Variants in EPG5 observed in about 807,000 individuals in gnomAD.
EPG5 encodes ectopic P-granules 5 autophagy tethering factor, also known as ectopic P granules protein 5 homolog.
Under a neutral mutation model 302.7 loss-of-function variants are expected in EPG5, and 159 were observed. The ratio of observed to expected loss-of-function variants is 0.53; its 90% CI spans 0.46 to 0.60. The LOEUF (loss-of-function observed/expected upper bound fraction) is 0.60, where lower values mean the gene tolerates loss of function less well. Ranked by LOEUF, EPG5 falls within the 20% of genes least tolerant of loss-of-function variation. The probability of loss-of-function intolerance (pLI) is 0.00; values close to 1 mark genes in which losing one functional copy is unlikely to be tolerated. For missense variants in EPG5, 2,896 were observed against 3,092.4 expected, an observed-to-expected ratio of 0.94 and a Z score of 1.51; for synonymous variants, 1,158 against 1,136.8, an observed-to-expected ratio of 1.02 and a Z score of -0.37.
At position 45,953,380 on chromosome 18, in the gene EPG5, G is replaced by A. The variant is rs149494201; in HGVS notation, c.1009-737C>T. 3.1e-5 allele frequency: 31 copies of A among 985,248 alleles called. No homozygotes were observed. In the East Asian group the frequency reaches 3.5e-3, roughly 112 times the overall value. The allele number at this position is 985,248 out of a possible 1,614,324, so 61.0% of individuals were successfully genotyped here. On this transcript the variant is annotated intron_variant, in intron 2 of 43. Coordinates refer to ENST00000282041, the MANE Select transcript of EPG5 (RefSeq NM_020964.3). ...CAAGAGAATACACACTCCACCAGCT[G>A]TGTTCTTGATTCTATCCTCTCTTCT...
rs1322402625 is a variant in EPG5 at position 45,910,554 on chromosome 18, A to T, written c.4172T>A (p.Leu1391Gln). The T allele has an allele frequency of 1.2e-6, 2 of 1,612,476 alleles. No homozygotes were observed. Among genetic ancestry groups the T allele is most frequent in the Middle Eastern group, 1.8e-4 (1 of 5,630 alleles). ...CTCCTTGTGCAGTTCTGGTGAAGTC[A>T]GGTAACCAGGGGTGCCAGAGTGGCT... ...PESHSGTPGY[L>Q]TSPELHKELV... The change falls in exon 23 of 44, where the codon CTG (leucine) becomes CAG (glutamine). Residue 1391 changes from leucine (L) to glutamine (Q), a missense_variant. Leu to Gln is a moderately radical substitution (Grantham distance 113). Coordinates refer to ENST00000282041, the MANE Select transcript of EPG5 (RefSeq NM_020964.3).
At chr18:45,957,422 A>C (rs574891749) in intron 1 of EPG5, among the ~76,000 whole-genome samples, 3 of 152,352 alleles carry the variant, frequency 2.0e-5, no homozygotes, top group Admixed American at 2.0e-4. Context: ...GAAAAACATT[A>C]TATGAGTGTT....
the EPG5 span, among the ~76,000 whole-genome samples, chr18:45,821,340 T>C: frequency 6.6e-6 from 1 of 152,364 alleles, no homozygotes; most frequent in Admixed American, 6.5e-5. Flanking sequence ...ATCTTACTTA[T>C]GCAAAGTTGC....
At chr18:45,829,023 A>C in the EPG5 span, 2 of 899,740 alleles carry the variant, frequency 2.2e-6, no homozygotes, top group Non-Finnish European at 2.7e-6. Context: ...TGGGGCGGGA[A>C]GGGGAGGAGT....
chr18:45,838,918 G>A, the EPG5 span: 17 of 1,603,210 alleles, frequency 1.1e-5, no homozygotes, highest in Non-Finnish European at 1.4e-5. Context: ...GACCCATGAC[G>A]GCCGCTACAC....
intron 26 of EPG5, among the ~76,000 whole-genome samples, chr18:45,900,026 TG>T (rs2049571265): frequency 6.6e-6 from 1 of 152,204 alleles, no homozygotes; most frequent in Non-Finnish European, 1.5e-5. Context: ...ATTACATTAA[TG>T]GGCAGGTGCT....
At position 45,916,181 on chromosome 18, in the gene EPG5, G is replaced by C; in HGVS notation, c.3410C>G (p.Pro1137Arg). The C allele has an allele frequency of 1.2e-6, 2 of 1,613,738 alleles. No individual in the cohort carries two copies. Among genetic ancestry groups the C allele is most frequent in the Non-Finnish European group, 1.7e-6 (2 of 1,179,854 alleles). The change falls in exon 19 of 44, where the codon CCC (proline) becomes CGC (arginine). Residue 1137 changes from proline to arginine, a missense_variant. Transcript: ENST00000282041. ...CACAGCAACGGGGCCCACTTCATTG[G>C]GCTGAGTGCTTACAGATATGTGTGC... ...IQAHISVSTQ[P>R]NEVGPVAVLE...
At chr18:45,904,764 G>C (rs1414190649) in intron 24 of EPG5, among the ~76,000 whole-genome samples, 1 of 152,146 alleles carries the variant, frequency 6.6e-6, no homozygotes, top group Non-Finnish European at 1.5e-5. Context: ...TGACATTTAT[G>C]AGAAAGGTGG....
chr18:45,801,236 A>G, the EPG5 span, among the ~76,000 whole-genome samples: 1 of 152,042 alleles, frequency 6.6e-6, no homozygotes, highest in East Asian at 1.9e-4. Flanking sequence ...AAGGTTCACT[A>G]CGTTGGCCAG....
rs1443228798 is a variant in EPG5 at position 45,934,827 on chromosome 18, A to G, written c.2239T>C (p.Cys747Arg). The stretch of plus-strand genomic sequence containing the variant: ...GCTGTACCTTGGAGCTGCTGCTTGC[A>G]CTGGGCGGGCTGCAGGGAGGAGGAG... ...QLSSSLQPAQ[C>R]KQQLQDPEHF... is the part of the protein sequence containing the mutation. The change falls in exon 11 of 44, where the codon TGC becomes CGC. Residue 747 changes from cysteine (C) to arginine (R), a missense_variant. Cys to Arg is a radical substitution (Grantham distance 180). Coordinates refer to ENST00000282041, the MANE Select transcript of EPG5 (RefSeq NM_020964.3). The G allele has an allele frequency of 2.5e-6, 4 of 1,613,454 alleles. No individual in the cohort carries two copies. Among genetic ancestry groups the G allele is most frequent in the Admixed American group, 3.3e-5 (2 of 59,804 alleles).
At chr18:45,837,381 C>T in the EPG5 span, 1 of 1,306,804 alleles carries the variant, frequency 7.7e-7, no homozygotes, top group East Asian at 2.8e-5. Flanking sequence ...AAGTGGGGGA[C>T]GATCCCTGAG....
intron 34 of EPG5, among the ~76,000 whole-genome samples, chr18:45,876,920 G>A (rs2048982805): frequency 2.0e-5 from 3 of 151,972 alleles, no homozygotes; most frequent in African/African-American, 7.2e-5. Context: ...AGCAACTGGG[G>A]TTGCAGGCAC....
At chr18:45,877,855 T>C (rs1289221514) in intron 34 of EPG5, among the ~76,000 whole-genome samples, 2 of 152,210 alleles carry the variant, frequency 1.3e-5, no homozygotes, top group Admixed American at 1.3e-4. Flanking sequence ...TCAACTAGCT[T>C]CTGCTTGTAT....
chr18:45,934,985 C>T lies in EPG5; in HGVS notation c.2100-19G>A. ...GCCAAGTCTGCATGTAAGCAGGAAT[C>T]ATTTTATTTATTAATCAGCTTCATT... On this transcript the variant is annotated intron_variant, in intron 10 of 43. Coordinates refer to ENST00000282041, the MANE Select transcript of EPG5 (RefSeq NM_020964.3). 6.3e-7 allele frequency: 1 copy of T among 1,587,078 alleles called. No homozygotes were observed. The highest frequency in any genetic ancestry group is 8.6e-7 in the Non-Finnish European group (1 of 1,167,214).
Position 45,860,300 on chromosome 18 carries a change from CATAA to C in EPG5, c.6809_6812del (p.Phe2270TrpfsTer4). ...CGTTGTTCATCATCATCAGGACTTC[CATAA>C]AGAGGCTGCTGAGGGCCATGTGGCG... On this transcript the variant is annotated frameshift_variant, in exon 40 of 44. Transcript: ENST00000282041. LOFTEE classifies it high-confidence loss of function. The C allele has an allele frequency of 6.2e-7, 1 of 1,614,220 alleles. No individual in the cohort carries two copies. The highest frequency in any genetic ancestry group is 8.5e-7 in the Non-Finnish European group (1 of 1,180,042).
intron 27 of EPG5, among the ~76,000 whole-genome samples, chr18:45,896,938 A>G (rs2049492810): frequency 6.6e-6 from 1 of 152,232 alleles, no homozygotes; most frequent in Non-Finnish European, 1.5e-5. Flanking sequence ...ATCATAAATC[A>G]TCTTTTCTCT....
At chr18:45,911,406 C>T (rs543331618) in intron 22 of EPG5, among the ~76,000 whole-genome samples, 76 of 152,138 alleles carry the variant, frequency 5.0e-4, no homozygotes, top group Non-Finnish European at 8.8e-4. Flanking sequence ...CTGCCTCAGC[C>T]TCCTAAGTAG....
chr18:45,807,696 G>A, the EPG5 span, among the ~76,000 whole-genome samples: 1 of 152,114 alleles, frequency 6.6e-6, no homozygotes, highest in Non-Finnish European at 1.5e-5. Context: ...TCTACATCAA[G>A]GGAACACCCT....
At chr18:45,939,491 A>G in intron 10 of EPG5, 109 bp downstream of exon 10, 5 of 1,108,604 alleles carry the variant, frequency 4.5e-6, no homozygotes, top group Non-Finnish European at 6.5e-6. Flanking sequence ...AAATAGATGA[A>G]ATACACTAAG....
Sources: gnomAD v4.1 joint callset for allele counts (sites outside exome capture counted in the v4.1 genomes callset) on GRCh38, gnomAD v4.1.1 for gene constraint, MANE v1.5 for transcripts, NCBI Gene and HGNC (gene_info 2026-07-23, HGNC 2026-07-21) for gene names.